Variants in CLIC5 observed in about 807,000 individuals in gnomAD.
CLIC5 encodes CLIC family member 5.
CLIC5 carries 20 observed loss-of-function variants against 24.7 expected under a neutral mutation model. That is an observed-to-expected ratio of 0.81 (90% CI 0.57 to 1.18). The LOEUF (loss-of-function observed/expected upper bound fraction) is 1.18, where lower values mean the gene tolerates loss of function less well. Ranked by LOEUF, CLIC5 falls within the 50% of genes most tolerant of loss-of-function variation. The probability of loss-of-function intolerance (pLI) is 0.00; values close to 1 mark genes in which losing one functional copy is unlikely to be tolerated. For synonymous variants in CLIC5, 159 were observed against 135.6 expected, an observed-to-expected ratio of 1.17 and a Z score of -1.20; for missense variants, 341 against 326.1, an observed-to-expected ratio of 1.05 and a Z score of -0.35.
At chr6:46,084,426 C>T (rs969007480), upstream of CLIC5, among the ~76,000 whole-genome samples, 11 of 152,136 alleles carry the variant, frequency 7.2e-5, no homozygotes, top group Admixed American at 2.6e-4. Flanking sequence ...TGTTCCTTTC[C>T]ATGTTTAGTG....
chr6:46,023,731 G>T (rs568403763), intron 1 of CLIC5, among the ~76,000 whole-genome samples: 2 of 152,318 alleles, frequency 1.3e-5, no homozygotes, highest in South Asian at 2.1e-4. Context: ...TTGCATCACC[G>T]TGCATTTTTG....
intron 6 of CLIC5, among the ~76,000 whole-genome samples, chr6:45,888,917 A>C (rs1762327079): frequency 6.6e-6 from 1 of 152,194 alleles, no homozygotes; most frequent in Non-Finnish European, 1.5e-5. Flanking sequence ...GTATGTACAT[A>C]TTTATTCATT....
the CLIC5 span, among the ~76,000 whole-genome samples, chr6:46,113,956 T>C: frequency 6.6e-6 from 1 of 152,144 alleles, no homozygotes; most frequent in South Asian, 2.1e-4. Context: ...TACCAGAAAG[T>C]GGGGGGAATC....
chr6:46,107,346 C>CTAA, the CLIC5 span, among the ~76,000 whole-genome samples: 1 of 152,148 alleles, frequency 6.6e-6, no homozygotes, highest in Admixed American at 6.5e-5. Flanking sequence ...GGAACAGGGC[C>CTAA]TAATCCCTTT....
At chr6:45,957,572 G>A (rs776664772) in intron 1 of CLIC5, among the ~76,000 whole-genome samples, 101 of 152,254 alleles carry the variant, frequency 6.6e-4, no homozygotes, top group Middle Eastern at 6.8e-3. Flanking sequence ...CCTCTGGTCA[G>A]TGTGCAATCA....
chr6:45,968,650 G>A (rs1466749652), intron 1 of CLIC5, among the ~76,000 whole-genome samples: 1 of 152,162 alleles, frequency 6.6e-6, no homozygotes, highest in African/African-American at 2.4e-5. Flanking sequence ...TGGTTGGAAG[G>A]GCAAGACTTC....
At chr6:46,047,475 G>A (rs1300677422) in intron 1 of CLIC5, among the ~76,000 whole-genome samples, 2 of 152,158 alleles carry the variant, frequency 1.3e-5, no homozygotes, top group Non-Finnish European at 2.9e-5. Context: ...GCTAGTCTGT[G>A]GGAAGTTCTC....
intron 1 of CLIC5, among the ~76,000 whole-genome samples, chr6:46,035,207 G>A (rs1389630205): frequency 6.6e-6 from 1 of 152,092 alleles, no homozygotes; most frequent in Non-Finnish European, 1.5e-5. Flanking sequence ...AGGAACTCAG[G>A]CTTCCTGCCT....
At chr6:46,121,643 G>T in the CLIC5 span, among the ~76,000 whole-genome samples, 1 of 152,186 alleles carries the variant, frequency 6.6e-6, no homozygotes, top group Non-Finnish European at 1.5e-5. Flanking sequence ...TGGCAAATTG[G>T]ATAAAGAGTC....
chr6:45,955,275 G>T, intron 1 of CLIC5, 31 bp from the exon 2 acceptor site: 1 of 1,533,566 alleles, frequency 6.5e-7, no homozygotes, highest in East Asian at 2.2e-5. Flanking sequence ...GTCCTGAGTG[G>T]GCAGGTGCAA....
chr6:46,053,631 C>T (rs1452583336), intron 1 of CLIC5, among the ~76,000 whole-genome samples: 1 of 152,190 alleles, frequency 6.6e-6, no homozygotes, highest in African/African-American at 2.4e-5. Context: ...GGGAACTCAT[C>T]ACGTCCCATG....
chr6:45,980,527 A>T (rs1049679562), intron 1 of CLIC5, among the ~76,000 whole-genome samples: 1 of 152,240 alleles, frequency 6.6e-6, no homozygotes, highest in South Asian at 2.1e-4. Flanking sequence ...GAATTTACCC[A>T]TGTAACAAAC....
At chr6:45,958,469 T>G (rs1220351986) in intron 1 of CLIC5, among the ~76,000 whole-genome samples, 1 of 28,952 alleles carries the variant, frequency 3.5e-5, no homozygotes, top group Non-Finnish European at 7.2e-5. Context: ...TATATATATA[T>G]ATATATAAAC....
At chr6:46,055,225 C>G (rs1768213339) in intron 1 of CLIC5, among the ~76,000 whole-genome samples, 1 of 152,218 alleles carries the variant, frequency 6.6e-6, no homozygotes, top group African/African-American at 2.4e-5. Flanking sequence ...ACCTCAGCCT[C>G]CTGAGTAGCT....
At chr6:45,985,242 G>A (rs1765694472) in intron 1 of CLIC5, among the ~76,000 whole-genome samples, 1 of 152,200 alleles carries the variant, frequency 6.6e-6, no homozygotes, top group South Asian at 2.1e-4. Flanking sequence ...CAGTGAGGTA[G>A]GGAGTGGTAA....
At chr6:45,970,247 G>A (rs1236068416) in intron 1 of CLIC5, among the ~76,000 whole-genome samples, 1 of 152,164 alleles carries the variant, frequency 6.6e-6, no homozygotes, top group Non-Finnish European at 1.5e-5. Flanking sequence ...ACTGTGGTTA[G>A]TCCTGGATGA....
intron 1 of CLIC5, among the ~76,000 whole-genome samples, chr6:46,044,028 AAAG>A (rs1259082970): frequency 1.2e-4 from 18 of 152,194 alleles, no homozygotes; most frequent in Non-Finnish European, 8.8e-5. Flanking sequence ...TTGTGGGAGA[AAAG>A]AAACAACTAC....
At chr6:46,027,912 T>C (rs964554841) in intron 1 of CLIC5, among the ~76,000 whole-genome samples, 2 of 152,224 alleles carry the variant, frequency 1.3e-5, no homozygotes, top group Non-Finnish European at 2.9e-5. Context: ...TTCCATTACA[T>C]TGAAATTAAT....
intron 1 of CLIC5, among the ~76,000 whole-genome samples, chr6:45,967,616 T>C (rs1399511663): frequency 6.6e-6 from 1 of 152,178 alleles, no homozygotes; most frequent in Non-Finnish European, 1.5e-5. Context: ...TGTAAAGAAA[T>C]ACCTGAGACT....
Sources: gnomAD v4.1 joint callset for allele counts (sites outside exome capture counted in the v4.1 genomes callset) on GRCh38, gnomAD v4.1.1 for gene constraint, MANE v1.5 for transcripts, NCBI Gene and HGNC (gene_info 2026-07-23, HGNC 2026-07-21) for gene names.